Variants in CNTN5 observed in about 807,000 individuals in gnomAD.
CNTN5 encodes contactin 5.
CNTN5 carries 77 observed loss-of-function variants against 129.1 expected under a neutral mutation model. That is an observed-to-expected ratio of 0.60 (90% CI 0.50 to 0.72). The LOEUF is 0.72. CNTN5 is among the 30% of genes least tolerant of loss of function. CNTN5 has a pLI of 0.00. For synonymous variants in CNTN5, 509 were observed against 465.6 expected, an observed-to-expected ratio of 1.09 and a Z score of -1.20; for missense variants, 1,478 against 1,328.8, an observed-to-expected ratio of 1.11 and a Z score of -1.75.
intron 15 of CNTN5, among the ~76,000 whole-genome samples, chr11:100,222,662 A>T (rs1243194994): frequency 6.6e-6 from 1 of 152,062 alleles, no homozygotes; most frequent in Non-Finnish European, 1.5e-5. Context: ...CAAATAAAAA[A>T]AAAAGCCACA....
intron 1 of CNTN5, among the ~76,000 whole-genome samples, chr11:99,228,909 T>A (rs1428888376): frequency 6.6e-6 from 1 of 152,040 alleles, no homozygotes; most frequent in Non-Finnish European, 1.5e-5. Context: ...TATTTCACAG[T>A]ACTGGTTTTA....
chr11:99,453,960 T>A (rs1245087074), intron 2 of CNTN5, among the ~76,000 whole-genome samples: 5 of 152,180 alleles, frequency 3.3e-5, no homozygotes. Context: ...TTCAATTAAA[T>A]GACATATATT....
intron 1 of CNTN5, among the ~76,000 whole-genome samples, chr11:99,109,646 A>G (rs1000345939): frequency 6.6e-6 from 1 of 152,120 alleles, no homozygotes; most frequent in African/African-American, 2.4e-5. Context: ...TTAGAAGCAG[A>G]GGTAATAGAA....
chr11:99,791,968 T>C (rs577398459), intron 3 of CNTN5, among the ~76,000 whole-genome samples: 1 of 152,324 alleles, frequency 6.6e-6, no homozygotes, highest in Non-Finnish European at 1.5e-5. Flanking sequence ...ATCCTGAAAC[T>C]TTGCTAACAT....
At chr11:99,985,236 TA>T (rs1304858321) in intron 8 of CNTN5, among the ~76,000 whole-genome samples, 1 of 152,102 alleles carries the variant, frequency 6.6e-6, no homozygotes, top group African/African-American at 2.4e-5. Context: ...CCAAGAAGAA[TA>T]AGGTCACACA....
At chr11:99,999,847 G>A (rs1480077912) in intron 8 of CNTN5, among the ~76,000 whole-genome samples, 2 of 152,060 alleles carry the variant, frequency 1.3e-5, no homozygotes, top group South Asian at 2.1e-4. Context: ...ATGAGTTCAT[G>A]TCCTTTGTAG....
chr11:99,825,879 G>A (rs532285319), intron 4 of CNTN5, among the ~76,000 whole-genome samples: 118 of 152,106 alleles, frequency 7.8e-4, no homozygotes, highest in South Asian at 5.0e-3. Context: ...CAGCACTTAA[G>A]AGACAATTCA....
chr11:100,191,485 A>C (rs1948492073), intron 14 of CNTN5, among the ~76,000 whole-genome samples: 1 of 152,070 alleles, frequency 6.6e-6, no homozygotes, highest in Non-Finnish European at 1.5e-5. Flanking sequence ...CTTTGAATAA[A>C]ATTTGTGAGA....
At chr11:99,209,934 A>C (rs1196423012) in intron 1 of CNTN5, among the ~76,000 whole-genome samples, 1 of 152,150 alleles carries the variant, frequency 6.6e-6, no homozygotes, top group Non-Finnish European at 1.5e-5. Context: ...TCATAGTGTG[A>C]TTTTATGAAA....
At chr11:100,322,199 T>C (rs1392605779) in intron 21 of CNTN5, among the ~76,000 whole-genome samples, 1 of 152,128 alleles carries the variant, frequency 6.6e-6, no homozygotes, top group Non-Finnish European at 1.5e-5. Flanking sequence ...GTCACCCATA[T>C]TGTTACATGC....
intron 7 of CNTN5, among the ~76,000 whole-genome samples, chr11:99,946,435 A>T: frequency 6.6e-6 from 1 of 152,134 alleles, no homozygotes; most frequent in Middle Eastern, 3.2e-3. Context: ...AGTGATCGAT[A>T]CTCAACAAAG....
At position 99,701,135 on chromosome 11, in the gene CNTN5, G is replaced by C. The variant is rs144558395; in HGVS notation, c.56-118409G>C. Among the ~76,000 whole-genome samples, 525 of 151,318 alleles carry C rather than the reference G, an allele frequency of 3.5e-3. 3 individuals carry two copies. The highest frequency in any genetic ancestry group is 0.012 in the African/African-American group (497 of 41,418). ...AATACCTATGTGCTGATTCACTGAA[G>C]GGCATATGGAAATCAAAAGCAAAGT... is the stretch of plus-strand genomic sequence containing the variant. On this transcript the variant is annotated intron_variant, in intron 3 of 24. Coordinates refer to ENST00000524871, the MANE Select transcript of CNTN5 (RefSeq NM_014361.4).
At chr11:100,166,385 T>C (rs1396581599) in intron 13 of CNTN5, among the ~76,000 whole-genome samples, 1 of 151,686 alleles carries the variant, frequency 6.6e-6, no homozygotes, top group Admixed American at 6.6e-5. Context: ...AGACTAAATA[T>C]TAAAGAAATG....
chr11:99,737,581 A>G (rs188936543), intron 3 of CNTN5, among the ~76,000 whole-genome samples: 31 of 152,290 alleles, frequency 2.0e-4, no homozygotes, highest in South Asian at 1.9e-3. Flanking sequence ...TAGGGAAAGC[A>G]CTGAAAAAAT....
intron 3 of CNTN5, among the ~76,000 whole-genome samples, chr11:99,728,182 A>C (rs1943416164): frequency 6.6e-6 from 1 of 151,750 alleles, no homozygotes. Flanking sequence ...TTAGAAAAAT[A>C]TAGAGGAGTC....
At chr11:99,284,929 A>G (rs186807596) in intron 1 of CNTN5, among the ~76,000 whole-genome samples, 2 of 152,174 alleles carry the variant, frequency 1.3e-5, no homozygotes, top group Admixed American at 6.6e-5. Context: ...CTTTTGGTTA[A>G]TTGTTTTTCA....
At chr11:99,905,487 C>G (rs927229128) in intron 6 of CNTN5, among the ~76,000 whole-genome samples, 1 of 152,122 alleles carries the variant, frequency 6.6e-6, no homozygotes, top group African/African-American at 2.4e-5. Context: ...CTGTTGTGTT[C>G]CACTGGTCTA....
chr11:99,991,674 T>C (rs12277155), intron 8 of CNTN5, among the ~76,000 whole-genome samples: 57,519 of 151,866 alleles, frequency 0.38, 12,319 homozygotes, highest in African/African-American at 0.59. Flanking sequence ...TCTGTCTTAA[T>C]TGGCTGCCTT....
chr11:99,479,180 A>C (rs1043146164), intron 2 of CNTN5, among the ~76,000 whole-genome samples: 6 of 152,036 alleles, frequency 3.9e-5, no homozygotes, highest in Admixed American at 6.6e-5. Context: ...TATTTTTAAG[A>C]ACTATTTGTT....
Sources: gnomAD v4.1 joint callset for allele counts (sites outside exome capture counted in the v4.1 genomes callset) on GRCh38, gnomAD v4.1.1 for gene constraint, MANE v1.5 for transcripts, NCBI Gene and HGNC (gene_info 2026-07-23, HGNC 2026-07-21) for gene names.